The following FHOD3 variants were observed in gnomAD, a reference collection of about 807,000 sequenced individuals.
FHOD3 encodes the protein FH1/FH2 domain-containing protein 3.
A neutral mutation model predicts 173.0 loss-of-function variants in FHOD3; 90 were observed. The ratio of observed to expected loss-of-function variants is 0.52; its 90% confidence interval spans 0.44 to 0.62. The LOEUF (loss-of-function observed/expected upper bound fraction) is 0.62. FHOD3 is among the 20% of genes least tolerant of loss of function. The pLI is 0.00. For missense variants in FHOD3, 1,945 were observed against 2,034.7 expected (o/e 0.96, Z 0.85); for synonymous variants, 828 against 823.0 (o/e 1.01, Z -0.10).
chr18:36,368,711 G>A (rs1568180114), intron 2 of FHOD3, among the ~76,000 whole-genome samples: 1 of 152,152 alleles, frequency 6.6e-6, no homozygotes, highest in Non-Finnish European at 1.5e-5. Flanking sequence ...GCATGGCTGG[G>A]GAGGCCTCAG....
chr18:36,585,779 A>C (rs747220988), intron 6 of FHOD3, among the ~76,000 whole-genome samples: 1 of 152,252 alleles, frequency 6.6e-6, no homozygotes, highest in African/African-American at 2.4e-5. Flanking sequence ...CAGGGCAACC[A>C]GATGAGTTTT....
At chr18:36,664,290 G>A (rs1426114782) in intron 14 of FHOD3, among the ~76,000 whole-genome samples, 2 of 152,130 alleles carry the variant, frequency 1.3e-5, no homozygotes, top group Non-Finnish European at 2.9e-5. Flanking sequence ...ATGCCAGTAG[G>A]AAACAAGCAG....
chr18:36,629,714 A>T (rs1599950008), intron 10 of FHOD3, among the ~76,000 whole-genome samples: 1 of 152,124 alleles, frequency 6.6e-6, no homozygotes, highest in Middle Eastern at 3.4e-3. Flanking sequence ...ACAGAGGAAG[A>T]TTGAGGGGTC....
In FHOD3 at chr18:36,748,380, ACAACACAC is replaced by A. The variant is rs1278798166; in HGVS notation, c.4232+1246_4232+1253del. Among the ~76,000 whole-genome samples the A allele has an allele frequency of 3.5e-4, 42 of 121,270 alleles. No individual in the cohort carries two copies. In the South Asian group the frequency reaches 5.9e-3, roughly 17 times the overall value. 79.6% of individuals were successfully genotyped at this position (121,270 alleles called of 152,430 possible). ...CACGCACGCGCACACACACACACAC[ACAACACAC>A]ACACACACACACACACACACACACA... is the stretch of plus-strand genomic sequence containing the variant. On this transcript the variant is annotated intron_variant, in intron 24 of 28. Transcript: ENST00000590592.
chr18:36,476,433 T>C (rs2145310918), intron 3 of FHOD3, among the ~76,000 whole-genome samples: 1 of 152,310 alleles, frequency 6.6e-6, no homozygotes, highest in East Asian at 1.9e-4. Flanking sequence ...GGCGAGCTCC[T>C]CATGCCCACA....
rs113776514 is a variant in FHOD3, at chr18:36,665,014, G to A, written c.1835+6826G>A. Reference sequence around the variant, plus strand: ...AGGCAGAGGCAGGAGGATCACTTGAGCCCAGGAGTTGGCAGCTGCTGTGAG... The same window carrying A: ...AGGCAGAGGCAGGAGGATCACTTGAACCCAGGAGTTGGCAGCTGCTGTGAG... On this transcript the variant is annotated intron_variant, in intron 14 of 28. Transcript: ENST00000590592. Among the ~76,000 whole-genome samples the A allele has an allele frequency of 2.3e-3, 350 of 152,206 alleles. 1 individual carries two copies. The highest frequency in any genetic ancestry group is 8.0e-3 in the African/African-American group (331 of 41,512).
chr18:36,720,692 CCCTCCTTCTCCT>C (rs1281329919), intron 19 of FHOD3, among the ~76,000 whole-genome samples: 1 of 112,574 alleles, frequency 8.9e-6, no homozygotes, highest in African/African-American at 3.5e-5. Flanking sequence ...TTCCTCCTCC[CCCTCCTTCTCCT>C]CCTCCTCCTC....
intron 3 of FHOD3, among the ~76,000 whole-genome samples, chr18:36,467,180 C>T (rs1320943925): frequency 6.6e-6 from 1 of 152,244 alleles, no homozygotes; most frequent in East Asian, 1.9e-4. Context: ...GAGCCGAGCA[C>T]ACCACCCTTC....
At chr18:36,477,137 C>T (rs1227368510) in intron 3 of FHOD3, among the ~76,000 whole-genome samples, 2 of 151,958 alleles carry the variant, frequency 1.3e-5, no homozygotes, top group East Asian at 1.9e-4. Context: ...ACAGGGACAT[C>T]CAGGAGAAGG....
At chr18:36,482,858 C>CACACACAGAGAG (rs1400178557) in intron 3 of FHOD3, among the ~76,000 whole-genome samples, 6 of 130,458 alleles carry the variant, frequency 4.6e-5, no homozygotes, top group African/African-American at 1.9e-4. Context: ...CACACACACA[C>CACACACAGAGAG]AGAGAGAGAG....
chr18:36,678,420 C>G (rs2038001306), intron 14 of FHOD3, among the ~76,000 whole-genome samples: 1 of 150,630 alleles, frequency 6.6e-6, no homozygotes, highest in South Asian at 2.1e-4. Context: ...GCCTGTGGTC[C>G]CAGCTATTCA....
intron 1 of FHOD3, among the ~76,000 whole-genome samples, chr18:36,306,753 A>C (rs1356204250): frequency 6.6e-6 from 1 of 152,162 alleles, no homozygotes; most frequent in East Asian, 1.9e-4. Flanking sequence ...AGCGTCTGGC[A>C]CATAGTGAGT....
chr18:36,542,565 T>G (rs570543451), intron 5 of FHOD3, among the ~76,000 whole-genome samples: 3 of 152,206 alleles, frequency 2.0e-5, no homozygotes, highest in Admixed American at 6.5e-5. Context: ...ATTCTCTGAA[T>G]TATCTTTTTA....
rs954811082 is a variant in FHOD3, at chr18:36,653,412, A to T, written c.1717A>T (p.Asn573Tyr). 4 of 1,528,422 alleles carry T rather than the reference A, an allele frequency of 2.6e-6. No homozygotes were observed. The highest frequency in any genetic ancestry group is 3.5e-6 in the Non-Finnish European group (4 of 1,140,882). 94.7% of individuals were successfully genotyped at this position (1,528,422 alleles called of 1,614,324 possible). A position where few individuals can be genotyped will look rare whatever the true frequency, so the allele number is the denominator to read the frequency against. Residue 573 changes from asparagine to tyrosine, a missense_variant, in exon 13 of 29, where the codon AAT becomes TAT. Around this residue, in one of 5 missense-constraint regions of FHOD3, gnomAD observed 1,099 missense variants for 1,051.2 expected, o/e 1.05. Transcript: ENST00000590592. ...TTACCACTTCCGATCTTTCTCTTCT[A>T]ATAGGTGGGTGTCTTTATTTTCTTT... ...EPYHFRSFSS[N>Y]RYSNFGNNSY...
At chr18:36,462,712 A>C (rs901130468) in intron 3 of FHOD3, among the ~76,000 whole-genome samples, 2 of 151,986 alleles carry the variant, frequency 1.3e-5, no homozygotes, top group African/African-American at 4.8e-5. Context: ...GCAACCTTGA[A>C]CTCCTAAGCA....
chr18:36,527,810 A>T (rs373937717), intron 5 of FHOD3, among the ~76,000 whole-genome samples: 2 of 104,392 alleles, frequency 1.9e-5, no homozygotes, highest in African/African-American at 5.8e-5. Context: ...TGGAATATCT[A>T]TATTTGAGTG....
At chr18:36,479,789 G>A (rs1414697677) in intron 3 of FHOD3, among the ~76,000 whole-genome samples, 4 of 152,074 alleles carry the variant, frequency 2.6e-5, no homozygotes, top group Non-Finnish European at 4.4e-5. Flanking sequence ...ATGGACTGAC[G>A]AGTCTCATTC....
chr18:36,626,372 G>A (rs1219887471), intron 10 of FHOD3, among the ~76,000 whole-genome samples: 4 of 152,174 alleles, frequency 2.6e-5, no homozygotes, highest in Admixed American at 1.3e-4. Context: ...GAGGAAGACC[G>A]AGAATGGTAG....
At chr18:36,414,229 C>T (rs1002406173) in intron 3 of FHOD3, among the ~76,000 whole-genome samples, 4 of 152,160 alleles carry the variant, frequency 2.6e-5, no homozygotes, top group Middle Eastern at 3.2e-3. Context: ...ATGGATGCGC[C>T]GTGACTTTAG....
Sources: gnomAD v4.1 joint callset for allele counts (sites outside exome capture counted in the v4.1 genomes callset) on GRCh38, gnomAD v4.1.1 for gene constraint, gnomAD v4.1.1 regional missense constraint, MANE v1.5 for transcripts, NCBI Gene and HGNC (gene_info 2026-07-23, HGNC 2026-07-21) for gene names.